Variants in SLC25A53 observed in about 807,000 individuals in gnomAD.
The protein encoded by SLC25A53 is mitochondrial carrier triple repeat protein 6.
A neutral mutation model predicts 15.0 loss-of-function variants in SLC25A53; 5 were observed. That is an observed-to-expected ratio of 0.33 (90% CI 0.17 to 0.70). The LOEUF (loss-of-function observed/expected upper bound fraction) is 0.70, where lower values mean the gene tolerates loss of function less well. Ranked by LOEUF, SLC25A53 falls within the 30% of genes least tolerant of loss-of-function variation. SLC25A53 has a pLI of 0.67. For missense variants in SLC25A53, 216 were observed against 241.6 expected, an observed-to-expected ratio of 0.89 and a Z score of 0.70; for synonymous variants, 95 against 100.0, an observed-to-expected ratio of 0.95 and a Z score of 0.30.
rs185808337 is a variant in SLC25A53 at position 104,142,506 on chromosome X, T to C, written c.-32+14372A>G. Among the ~76,000 whole-genome samples, 179 of 111,599 alleles carry C rather than the reference T, an allele frequency of 1.6e-3. 1 individual carries two copies. The highest frequency in any genetic ancestry group is 5.6e-3 in the African/African-American group (173 of 30,728). Reference sequence around the variant, plus strand: ...AAACATTCACATAACCAAAGCAAAGTAGAAATCGTTTTTTATAAACAACTC... The same window carrying C: ...AAACATTCACATAACCAAAGCAAAGCAGAAATCGTTTTTTATAAACAACTC... On this transcript the variant is annotated intron_variant, in intron 1 of 1. Coordinates refer to ENST00000594199, the MANE Select transcript of SLC25A53 (RefSeq NM_001012755.5).
chrX:104,117,034 C>G (rs782400935), intron 1 of SLC25A53, among the ~76,000 whole-genome samples: 1 of 101,976 alleles, frequency 9.8e-6, no homozygotes, highest in Non-Finnish European at 2.0e-5. Flanking sequence ...TCAGTTCCCC[C>G]CTGCTCCATG....
chrX:104,110,859 G>A (rs2075337601), intron 1 of SLC25A53, among the ~76,000 whole-genome samples: 1 of 112,601 alleles, frequency 8.9e-6, no homozygotes, highest in Non-Finnish European at 1.9e-5. Context: ...ACAGAGAGCT[G>A]TGGTTTGGGG....
chrX:104,106,888 C>T (rs2075313506), intron 1 of SLC25A53, among the ~76,000 whole-genome samples: 1 of 106,669 alleles, frequency 9.4e-6, no homozygotes, highest in South Asian at 4.5e-4. Flanking sequence ...TCCCCACAAT[C>T]TCATTGCTCC....
intron 1 of SLC25A53, among the ~76,000 whole-genome samples, chrX:104,135,457 T>C (rs1156302198): frequency 1.8e-5 from 2 of 111,010 alleles, no homozygotes; most frequent in African/African-American, 3.3e-5. Context: ...TCTGAACCTG[T>C]TGCTGGCACC....
intron 1 of SLC25A53, among the ~76,000 whole-genome samples, chrX:104,118,368 C>T (rs1368673027): frequency 1.8e-5 from 2 of 111,663 alleles, no homozygotes; most frequent in Non-Finnish European, 3.8e-5. Context: ...CATGGTTTCC[C>T]TCTCCCAGAT....
intron 1 of SLC25A53, among the ~76,000 whole-genome samples, chrX:104,129,001 T>C (rs782784361): frequency 6.7e-4 from 75 of 111,964 alleles, no homozygotes; most frequent in African/African-American, 2.4e-3. Flanking sequence ...TTCTTTAATA[T>C]ATATTTCTTA....
chrX:104,111,037 C>T (rs782210505), intron 1 of SLC25A53, among the ~76,000 whole-genome samples: 20 of 112,588 alleles, frequency 1.8e-4, no homozygotes, highest in African/African-American at 6.2e-4. Flanking sequence ...CGGGTAGGAA[C>T]CTGTGCTCTG....
intron 1 of SLC25A53, among the ~76,000 whole-genome samples, chrX:104,111,259 T>G (rs782815235): frequency 8.9e-5 from 10 of 111,998 alleles, no homozygotes; most frequent in African/African-American, 9.7e-5. Context: ...TAAGGCCCAA[T>G]AATCTACATT....
intron 1 of SLC25A53, chrX:104,130,846 C>T (rs1233704251): frequency 2.7e-5 from 3 of 111,971 alleles, no homozygotes; most frequent in Non-Finnish European, 5.6e-5. Flanking sequence ...GGAAATATAA[C>T]GTGCATGTAT....
chrX:104,138,960 G>A (rs2075443984), intron 1 of SLC25A53, among the ~76,000 whole-genome samples: 1 of 112,250 alleles, frequency 8.9e-6, no homozygotes. Flanking sequence ...GGCACAGGAT[G>A]GTGGTATGGC....
chrX:104,156,442 C>T (rs781904701), intron 1 of SLC25A53, among the ~76,000 whole-genome samples: 34 of 111,424 alleles, frequency 3.1e-4, no homozygotes, highest in Admixed American at 5.7e-4. Context: ...AGAGCAGGTA[C>T]TTGGTATTTT....
intron 1 of SLC25A53, among the ~76,000 whole-genome samples, chrX:104,144,990 C>T (rs1256347874): frequency 8.9e-6 from 1 of 112,042 alleles, no homozygotes; most frequent in African/African-American, 3.2e-5. Flanking sequence ...CTCTCCACCC[C>T]AAATCAACAG....
At chrX:104,115,004 G>A in intron 1 of SLC25A53, 1 of 1,193,566 alleles carries the variant, frequency 8.4e-7, no homozygotes, top group Non-Finnish European at 1.1e-6. Flanking sequence ...CCTCCCTTCA[G>A]AGGAAGAGCC....
At chrX:104,105,455 A>C (rs782388959) in intron 1 of SLC25A53, among the ~76,000 whole-genome samples, 167 bp from the exon 2 acceptor site, 6 of 112,616 alleles carry the variant, frequency 5.3e-5, no homozygotes, top group East Asian at 2.8e-4. Context: ...ATTAAGAATT[A>C]ATTAACTTTA....
At chrX:104,141,689 G>A (rs1215903173) in intron 1 of SLC25A53, among the ~76,000 whole-genome samples, 1 of 111,267 alleles carries the variant, frequency 9.0e-6, no homozygotes, top group African/African-American at 3.3e-5. Context: ...CTCAGCTCAA[G>A]CGATCCTCCC....
chrX:104,118,493 T>A (rs1235837145), intron 1 of SLC25A53, among the ~76,000 whole-genome samples: 1 of 113,214 alleles, frequency 8.8e-6, no homozygotes, highest in African/African-American at 3.2e-5. Flanking sequence ...CCAAGCTTAT[T>A]ACATGCCAGG....
chrX:104,139,759 A>G (rs1170473207), intron 1 of SLC25A53, among the ~76,000 whole-genome samples: 1 of 112,605 alleles, frequency 8.9e-6, no homozygotes, highest in African/African-American at 3.2e-5. Flanking sequence ...GGTTGCAGTG[A>G]GCCGAGATTG....
chrX:104,112,801 A>T (rs1270041915), intron 1 of SLC25A53: 1 of 112,415 alleles, frequency 8.9e-6, no homozygotes, highest in Non-Finnish European at 1.9e-5. Context: ...GTGGAGCACA[A>T]GTAAAGAAAG....
intron 1 of SLC25A53, among the ~76,000 whole-genome samples, chrX:104,153,367 G>A (rs907879548): frequency 3.6e-5 from 4 of 110,192 alleles, no homozygotes; most frequent in African/African-American, 1.3e-4. Flanking sequence ...TGTATATCAG[G>A]TTTCTATATA....
Sources: gnomAD v4.1 joint callset for allele counts (sites outside exome capture counted in the v4.1 genomes callset) on GRCh38, gnomAD v4.1.1 for gene constraint, MANE v1.5 for transcripts, NCBI Gene and HGNC (gene_info 2026-07-23, HGNC 2026-07-21) for gene names.